The following NLGN1 variants were observed in gnomAD, a reference collection of about 807,000 sequenced individuals.
NLGN1 encodes the protein neuroligin 1, also known as neuroligin-1.
Under a neutral mutation model 65.5 loss-of-function variants are expected in NLGN1, and 12 were observed. That is an observed-to-expected ratio of 0.18 (90% CI 0.12 to 0.30). The LOEUF (loss-of-function observed/expected upper bound fraction) is 0.30, where lower values mean the gene tolerates loss of function less well. Among genes scored for constraint, NLGN1 ranks in the 10% least tolerant of loss-of-function variants. The probability of loss-of-function intolerance (pLI) is 1.00; values close to 1 mark genes in which losing one functional copy is unlikely to be tolerated. For synonymous variants in NLGN1, 350 were observed against 359.5 expected, an observed-to-expected ratio of 0.97 and a Z score of 0.30; for missense variants, 750 against 1,007.1, an observed-to-expected ratio of 0.74 and a Z score of 3.46.
intron 2 of NLGN1, among the ~76,000 whole-genome samples, chr3:173,478,196 A>G (rs1171418617): frequency 1.3e-5 from 2 of 152,250 alleles, no homozygotes; most frequent in African/African-American, 2.4e-5. Context: ...AATGTGGTAC[A>G]TATACACTAT....
intron 2 of NLGN1, among the ~76,000 whole-genome samples, chr3:173,460,478 AG>A (rs1301699467): frequency 6.6e-6 from 1 of 152,164 alleles, no homozygotes; most frequent in Non-Finnish European, 1.5e-5. Flanking sequence ...CAACCAGCTA[AG>A]ATTGAACTAT....
intron 4 of NLGN1, among the ~76,000 whole-genome samples, chr3:174,247,055 T>A (rs761001953): frequency 5.3e-5 from 8 of 152,218 alleles, no homozygotes; most frequent in Admixed American, 2.0e-4. Context: ...TCTCCAAATC[T>A]TAAGGTTGAT....
chr3:174,041,750 C>T (rs1020353493), intron 4 of NLGN1, among the ~76,000 whole-genome samples: 1 of 151,902 alleles, frequency 6.6e-6, no homozygotes, highest in African/African-American at 2.4e-5. Flanking sequence ...AATATATTGG[C>T]CATATATTAT....
chr3:173,673,203 C>T (rs9784253), intron 3 of NLGN1, among the ~76,000 whole-genome samples: 2,939 of 152,180 alleles, frequency 0.019, 104 homozygotes, highest in African/African-American at 0.065. Context: ...AAATGTACCC[C>T]TGGGTAAAGT....
At chr3:173,938,966 C>T (rs975560005) in intron 4 of NLGN1, among the ~76,000 whole-genome samples, 7 of 151,866 alleles carry the variant, frequency 4.6e-5, no homozygotes, top group East Asian at 1.9e-4. Context: ...CTTTCCAAAC[C>T]GAGCTTGTCA....
chr3:174,239,580 C>A, intron 4 of NLGN1, among the ~76,000 whole-genome samples: 1 of 151,296 alleles, frequency 6.6e-6, no homozygotes, highest in South Asian at 2.1e-4. Context: ...TTGCTTGATT[C>A]ATTTTTAATG....
chr3:174,035,783 A>G (rs1730996848), intron 4 of NLGN1, among the ~76,000 whole-genome samples: 2 of 152,128 alleles, frequency 1.3e-5, no homozygotes, highest in South Asian at 4.1e-4. Flanking sequence ...ATAATAAGAA[A>G]GAGCTTATAG....
Position 174,279,868 on chromosome 3 carries a change from A to T in NLGN1, c.1649+218A>T, listed in dbSNP as rs867504057. Among the ~76,000 whole-genome samples the T allele has an allele frequency of 6.6e-6, 1 of 151,942 alleles. No individual in the cohort carries two copies. Among genetic ancestry groups the T allele is most frequent in the Non-Finnish European group, 1.5e-5 (1 of 67,942 alleles). ...AGCTTGTTAAGAAAGCACATATCTC[A>T]ATTGCATTACTTAATTACATCTGCT... On this transcript the variant is annotated intron_variant, in intron 6 of 6. Coordinates refer to ENST00000457714, the Ensembl canonical transcript of NLGN1. The surrounding 1 kb of genome is among the most constrained non-coding windows in gnomAD (Gnocchi z 4.7).
chr3:174,256,274 G>A (rs9876791), intron 4 of NLGN1, among the ~76,000 whole-genome samples: 32,368 of 152,082 alleles, frequency 0.21, 3,718 homozygotes, highest in East Asian at 0.49. Flanking sequence ...TGTCAAGAGC[G>A]CCAATGGAAG....
chr3:174,041,178 A>AT (rs538312682), intron 4 of NLGN1, among the ~76,000 whole-genome samples: 15 of 152,016 alleles, frequency 9.9e-5, no homozygotes, highest in Admixed American at 9.2e-4. Context: ...CACTGTGTGG[A>AT]TTTTTTTTAA....
intron 3 of NLGN1, among the ~76,000 whole-genome samples, chr3:173,774,687 T>G (rs1484982615): frequency 6.6e-6 from 1 of 152,206 alleles, no homozygotes; most frequent in Non-Finnish European, 1.5e-5. Flanking sequence ...TTTGTTCAAT[T>G]TAAGATCACT....
chr3:173,733,678 G>C (rs1010311236), intron 3 of NLGN1, among the ~76,000 whole-genome samples: 1 of 152,052 alleles, frequency 6.6e-6, no homozygotes, highest in African/African-American at 2.4e-5. Context: ...TCACTCTTCT[G>C]TATATAAACC....
chr3:173,914,477 T>C (rs900862190), intron 4 of NLGN1, among the ~76,000 whole-genome samples: 1 of 151,710 alleles, frequency 6.6e-6, no homozygotes, highest in African/African-American at 2.4e-5. Flanking sequence ...CACACACACA[T>C]ATATAATGAG....
chr3:173,676,561 A>T (rs1339622451), intron 3 of NLGN1, among the ~76,000 whole-genome samples: 2 of 152,118 alleles, frequency 1.3e-5, no homozygotes. Flanking sequence ...AAATATTTTT[A>T]TGTATATACC....
At chr3:173,569,131 C>T (rs901949604) in intron 2 of NLGN1, among the ~76,000 whole-genome samples, 1 of 152,066 alleles carries the variant, frequency 6.6e-6, no homozygotes, top group Non-Finnish European at 1.5e-5. Context: ...TTAGTTTATC[C>T]TATCAGTTCT....
Position 173,591,571 on chromosome 3 carries a change from A to G in NLGN1, c.-320-12708A>G, listed in dbSNP as rs1748491434. Among the ~76,000 whole-genome samples the G allele has an allele frequency of 1.3e-5, 2 of 151,794 alleles. 1 individual carries two copies. The highest frequency in any genetic ancestry group is 4.2e-4 in the South Asian group (2 of 4,806). On this transcript the variant is annotated intron_variant, in intron 2 of 6. Coordinates refer to ENST00000457714, the Ensembl canonical transcript of NLGN1. ...AATGGACACAAAGGTTTAACTACCC[A>G]CTCTCTGCTGATCATCCTCCAAGGG...
intron 4 of NLGN1, among the ~76,000 whole-genome samples, chr3:173,971,578 A>C (rs6445129): frequency 0.016 from 2,494 of 152,188 alleles, 78 homozygotes; most frequent in African/African-American, 0.056. Flanking sequence ...TAGAAATTTT[A>C]GTTAAAAATT....
At chr3:173,532,505 C>T (rs1359997363) in intron 2 of NLGN1, among the ~76,000 whole-genome samples, 1 of 152,152 alleles carries the variant, frequency 6.6e-6, no homozygotes, top group Non-Finnish European at 1.5e-5. Context: ...CAACTCCTTC[C>T]TATTTCTAAG....
intron 4 of NLGN1, among the ~76,000 whole-genome samples, chr3:173,809,354 A>G (rs1717388565): frequency 6.6e-6 from 1 of 152,108 alleles, no homozygotes; most frequent in South Asian, 2.1e-4. Context: ...CATTGGAAGG[A>G]GGGTTTTTAA....
Sources: allele counts gnomAD v4.1 joint callset (sites outside exome capture counted in the v4.1 genomes callset), GRCh38; gene constraint gnomAD v4.1.1; non-coding constraint Gnocchi (gnomAD v3.1); transcripts MANE v1.5; gene names NCBI Gene and HGNC (gene_info 2026-07-23, HGNC 2026-07-21).